Variants in CAPZB observed in about 807,000 individuals in gnomAD.
CAPZB encodes capping actin protein of muscle Z-line subunit beta.
In CAPZB, 2 loss-of-function variants were observed where a neutral mutation model predicts 38.1. The ratio of observed to expected loss-of-function variants is 0.05; its 90% CI spans 0.02 to 0.17. The LOEUF is 0.17. Among genes scored for constraint, CAPZB ranks in the 10% least tolerant of loss-of-function variants. The probability of loss-of-function intolerance (pLI) is 1.00; values close to 1 mark genes in which losing one functional copy is unlikely to be tolerated. For missense variants in CAPZB, 161 were observed against 334.2 expected (o/e 0.48, Z 4.04); for synonymous variants, 107 against 127.4 (o/e 0.84, Z 1.08).
intron 8 of CAPZB, among the ~76,000 whole-genome samples, chr1:19,343,295 CCT>C (rs2093942653): frequency 1.3e-5 from 2 of 152,218 alleles, no homozygotes; most frequent in African/African-American, 2.4e-5. Flanking sequence ...GAGGACTCCT[CCT>C]CTGTTTTAAA....
rs775058837 is a variant in CAPZB, at chr1:19,357,661, C to A, written c.330-98G>T. 3.3e-6 allele frequency: 4 copies of A among 1,222,144 alleles called. No homozygotes were observed. The highest frequency in any genetic ancestry group is 2.4e-5 in the East Asian group (1 of 42,188). The allele number at this position is 1,222,144 out of a possible 1,614,324, so 75.7% of individuals were successfully genotyped here. A position where few individuals can be genotyped will look rare whatever the true frequency, so the allele number is the denominator to read the frequency against. ...TCAGCAAAGATTCTGGGATTCAGGG[C>A]CCTCCCTGCGACAGTTATGGGAGCC... On this transcript the variant is annotated intron_variant, in intron 4 of 8. Coordinates refer to ENST00000264202, the MANE Select transcript of CAPZB (RefSeq NM_004930.5). This position sits in a 1 kb window ranked among gnomAD's most constrained non-coding sequence, Gnocchi z 4.3.
At chr1:19,398,248 C>T (rs973788014) in intron 2 of CAPZB, among the ~76,000 whole-genome samples, 15 of 97,742 alleles carry the variant, frequency 1.5e-4, no homozygotes, top group African/African-American at 4.1e-4. Flanking sequence ...CTCAGTCTCC[C>T]GATGAGCCAG....
At chr1:19,436,963 G>T (rs763105574) in intron 1 of CAPZB, among the ~76,000 whole-genome samples, 3 of 152,228 alleles carry the variant, frequency 2.0e-5, no homozygotes, top group Non-Finnish European at 4.4e-5. Flanking sequence ...GACCTGTGGA[G>T]CCTGGATGGT....
intron 8 of CAPZB, among the ~76,000 whole-genome samples, chr1:19,343,515 C>A (rs562270376): frequency 6.6e-6 from 1 of 152,362 alleles, no homozygotes; most frequent in South Asian, 2.1e-4. Context: ...ATCATCTCAG[C>A]CGACCGTGCC....
At chr1:19,428,361 C>T (rs907505596) in intron 1 of CAPZB, among the ~76,000 whole-genome samples, 1 of 152,026 alleles carries the variant, frequency 6.6e-6, no homozygotes, top group African/African-American at 2.4e-5. Context: ...TGAGATCATG[C>T]CACTGCACTC....
chr1:19,363,381 T>G (rs1241232656), intron 4 of CAPZB, among the ~76,000 whole-genome samples: 2 of 151,764 alleles, frequency 1.3e-5, no homozygotes, highest in East Asian at 3.9e-4. Flanking sequence ...TATCGTCACC[T>G]TGGTCCCTAA....
intron 1 of CAPZB, among the ~76,000 whole-genome samples, chr1:19,421,224 A>C (rs546249296): frequency 6.6e-6 from 1 of 152,376 alleles, no homozygotes; most frequent in South Asian, 2.1e-4. Context: ...AACGAAATAT[A>C]ACTTTTGAAT....
chr1:19,383,446 CAAA>C (rs528617668), intron 3 of CAPZB, among the ~76,000 whole-genome samples: 25,680 of 117,846 alleles, frequency 0.22, 2,503 homozygotes, highest in Admixed American at 0.27. Flanking sequence ...GACTCTGTCT[CAAA>C]AAAAAAAAAA....
intron 2 of CAPZB, among the ~76,000 whole-genome samples, chr1:19,400,444 C>T (rs2094297301): frequency 1.3e-5 from 2 of 152,190 alleles, no homozygotes; most frequent in Admixed American, 6.5e-5. Context: ...AACCTGTTTC[C>T]AAAACCAGAC....
At chr1:19,428,807 C>T (rs953081876) in intron 1 of CAPZB, among the ~76,000 whole-genome samples, 6 of 152,072 alleles carry the variant, frequency 3.9e-5, no homozygotes, top group African/African-American at 2.4e-5. Flanking sequence ...GCAGACACAA[C>T]CGAACAGTGA....
intron 3 of CAPZB, among the ~76,000 whole-genome samples, chr1:19,378,963 C>A (rs1318816628): frequency 6.6e-6 from 1 of 152,340 alleles, no homozygotes; most frequent in South Asian, 2.1e-4. Context: ...GCTCCGCACA[C>A]AGGGTCGTCA....
At chr1:19,380,008 A>C (rs1287114515) in intron 3 of CAPZB, among the ~76,000 whole-genome samples, 1 of 151,702 alleles carries the variant, frequency 6.6e-6, no homozygotes, top group East Asian at 1.9e-4. Context: ...CATGTTAAGG[A>C]AAAAAAAAGT....
intron 1 of CAPZB, among the ~76,000 whole-genome samples, chr1:19,432,526 T>C (rs890673357): frequency 2.6e-5 from 4 of 152,242 alleles, no homozygotes; most frequent in African/African-American, 7.2e-5. Context: ...TTATTAAGAA[T>C]ACTAGGTATC....
chr1:19,473,226 C>T (rs2094595796), intron 1 of CAPZB, among the ~76,000 whole-genome samples: 1 of 152,210 alleles, frequency 6.6e-6, no homozygotes, highest in Admixed American at 6.5e-5. Context: ...GTTTTAGAAT[C>T]TGAAAGGAAT....
chr1:19,378,849 G>A (rs571574280), intron 3 of CAPZB, among the ~76,000 whole-genome samples, 196 bp from the exon 4 acceptor site: 8 of 152,264 alleles, frequency 5.3e-5, no homozygotes, highest in African/African-American at 1.9e-4. Flanking sequence ...CGGGCAGACT[G>A]GGGCACACGC....
intron 2 of CAPZB, among the ~76,000 whole-genome samples, chr1:19,386,785 G>C (rs1442478556): frequency 6.6e-6 from 1 of 152,196 alleles, no homozygotes; most frequent in Non-Finnish European, 1.5e-5. Flanking sequence ...CTGTAACCCT[G>C]CCTCATAACT....
intron 2 of CAPZB, among the ~76,000 whole-genome samples, chr1:19,388,453 AACTTT>A (rs2094215172): frequency 6.6e-6 from 1 of 152,220 alleles, no homozygotes; most frequent in South Asian, 2.1e-4. Context: ...AACTCCAATC[AACTTT>A]ACTTTAAAAT....
chr1:19,401,228 C>T (rs1003466054), intron 2 of CAPZB, among the ~76,000 whole-genome samples: 1 of 152,030 alleles, frequency 6.6e-6, no homozygotes, highest in Non-Finnish European at 1.5e-5. Context: ...AAAACTTCCC[C>T]CAAACAAAAG....
Position 19,356,620 on chromosome 1 carries a change from A to T in CAPZB, c.588+15T>A. 1 of 1,573,852 alleles carries T rather than the reference A, an allele frequency of 6.4e-7. No individual in the cohort carries two copies. The highest frequency in any genetic ancestry group is 8.7e-7 in the Non-Finnish European group (1 of 1,143,152). On this transcript the variant is annotated intron_variant, in intron 6 of 8. Coordinates refer to ENST00000264202, the MANE Select transcript of CAPZB (RefSeq NM_004930.5). This position sits in a 1 kb window ranked among gnomAD's most constrained non-coding sequence, Gnocchi z 4.3. ...CTGTGGGCACTGGCAAGTGGCTATGAGCGGGTAACTCTACCTGTCTGGTAA... is the reference window on the plus strand; with the variant it reads ...CTGTGGGCACTGGCAAGTGGCTATGTGCGGGTAACTCTACCTGTCTGGTAA...
Sources: allele counts gnomAD v4.1 joint callset (sites outside exome capture counted in the v4.1 genomes callset), GRCh38; gene constraint gnomAD v4.1.1; non-coding constraint Gnocchi (gnomAD v3.1); transcripts MANE v1.5; gene names NCBI Gene and HGNC (gene_info 2026-07-23, HGNC 2026-07-21).